Variants in TANGO6 observed in about 807,000 individuals in gnomAD.
TANGO6 encodes the protein transport and Golgi organization protein 6 homolog.
TANGO6 carries 90 observed loss-of-function variants against 114.2 expected under a neutral mutation model. The ratio of observed to expected loss-of-function variants is 0.79; its 90% CI spans 0.66 to 0.94. The LOEUF is 0.94. TANGO6 is among the 40% of genes least tolerant of loss of function. The probability of loss-of-function intolerance (pLI) is 0.00; values close to 1 mark genes in which losing one functional copy is unlikely to be tolerated. For synonymous variants in TANGO6, 477 were observed against 509.8 expected (o/e 0.94, Z 0.87); for missense variants, 1,274 against 1,315.3 (o/e 0.97, Z 0.49).
intron 5 of TANGO6, among the ~76,000 whole-genome samples, chr16:68,875,764 C>G (rs1217361144): frequency 1.4e-5 from 2 of 144,960 alleles, no homozygotes; most frequent in Admixed American, 1.4e-4. Flanking sequence ...AGTGAAACTC[C>G]GTCTCAAAAA....
chr16:68,877,561 T>C (rs1376845972), intron 5 of TANGO6, among the ~76,000 whole-genome samples: 1 of 151,928 alleles, frequency 6.6e-6, no homozygotes, highest in Admixed American at 6.6e-5. Context: ...TTTTATAAAT[T>C]TGATAAAATT....
Position 68,915,002 on chromosome 16 carries a change from T to C in TANGO6, c.1993-4083T>C, listed in dbSNP as rs539175914. Among the ~76,000 whole-genome samples the C allele has an allele frequency of 3.4e-3, 440 of 128,130 alleles. 1 individual carries two copies. Among genetic ancestry groups the C allele is most frequent in the African/African-American group, 0.014 (414 of 30,274 alleles). 84.1% of individuals were successfully genotyped at this position (128,130 alleles called of 152,430 possible). A position where few individuals can be genotyped will look rare whatever the true frequency, so the allele number is the denominator to read the frequency against. ...ACACACACACACACACACACACACATATAGATAGTGGAGGATGGGCGCAGT... is the reference window on the plus strand; with the variant it reads ...ACACACACACACACACACACACACACATAGATAGTGGAGGATGGGCGCAGT... On this transcript the variant is annotated intron_variant, in intron 11 of 17. Transcript: ENST00000261778.
intron 17 of TANGO6, among the ~76,000 whole-genome samples, chr16:69,078,679 G>C (rs1250193897): frequency 6.6e-6 from 1 of 152,032 alleles, no homozygotes; most frequent in Non-Finnish European, 1.5e-5. Flanking sequence ...ATTGTTAAAT[G>C]GCCTTACAAA....
intron 1 of TANGO6, among the ~76,000 whole-genome samples, chr16:68,858,721 G>A (rs931671801): frequency 6.6e-6 from 1 of 151,898 alleles, no homozygotes; most frequent in Non-Finnish European, 1.5e-5. Flanking sequence ...GGGCTCAAGC[G>A]ATCCTCCTGC....
chr16:68,970,908 A>G (rs896805923), intron 14 of TANGO6, among the ~76,000 whole-genome samples: 1 of 152,154 alleles, frequency 6.6e-6, no homozygotes, highest in African/African-American at 2.4e-5. Flanking sequence ...CTGTAATCCC[A>G]GCACTTTGGG....
chr16:69,070,510 G>A (rs932991611), intron 17 of TANGO6, among the ~76,000 whole-genome samples: 2 of 151,382 alleles, frequency 1.3e-5, no homozygotes, highest in African/African-American at 2.4e-5. Flanking sequence ...GTGCTTGTCT[G>A]TAATCCCAGC....
At chr16:69,051,829 G>C (rs1959952826) in intron 17 of TANGO6, among the ~76,000 whole-genome samples, 1 of 152,056 alleles carries the variant, frequency 6.6e-6, no homozygotes. Context: ...CTGGGCAACA[G>C]AGCGAGACTG....
At chr16:69,039,539 G>A (rs759846147) in intron 16 of TANGO6, among the ~76,000 whole-genome samples, 1 of 150,950 alleles carries the variant, frequency 6.6e-6, no homozygotes, top group Non-Finnish European at 1.5e-5. Context: ...GGGAGGCTGA[G>A]GTGGGAGGGT....
intron 15 of TANGO6, among the ~76,000 whole-genome samples, chr16:68,975,643 A>T (rs540170945): frequency 3.3e-5 from 5 of 151,448 alleles, no homozygotes; most frequent in African/African-American, 1.2e-4. Context: ...CTGCAGCCTG[A>T]ACCTCCTGGA....
At chr16:69,080,855 T>G (rs1960453362) in intron 17 of TANGO6, among the ~76,000 whole-genome samples, 1 of 152,110 alleles carries the variant, frequency 6.6e-6, no homozygotes, top group African/African-American at 2.4e-5. Flanking sequence ...AACCTTCCTC[T>G]AGGCCGGGCG....
intron 7 of TANGO6, among the ~76,000 whole-genome samples, chr16:68,889,959 C>T (rs1962588739): frequency 6.6e-6 from 1 of 152,176 alleles, no homozygotes; most frequent in African/African-American, 2.4e-5. Flanking sequence ...AAAATACTTG[C>T]TATATTAGGT....
At chr16:68,886,601 T>C (rs148194168) in intron 7 of TANGO6, among the ~76,000 whole-genome samples, 3 of 151,998 alleles carry the variant, frequency 2.0e-5, no homozygotes, top group Non-Finnish European at 4.4e-5. Context: ...CCCCGCCTCT[T>C]GGGTTCAAGC....
intron 11 of TANGO6, among the ~76,000 whole-genome samples, chr16:68,914,035 C>T (rs958250141): frequency 6.6e-6 from 1 of 152,156 alleles, no homozygotes; most frequent in African/African-American, 2.4e-5. Flanking sequence ...GAGGCCTCCA[C>T]CCCTTCCACT....
At chr16:68,948,593 T>TCTA (rs1963439878) in intron 14 of TANGO6, among the ~76,000 whole-genome samples, 1 of 152,234 alleles carries the variant, frequency 6.6e-6, no homozygotes, top group African/African-American at 2.4e-5. Flanking sequence ...TGGTCTTAAG[T>TCTA]ATAGGAGAAC....
At chr16:68,879,126 A>G (rs1962417232) in intron 6 of TANGO6, among the ~76,000 whole-genome samples, 1 of 151,950 alleles carries the variant, frequency 6.6e-6, no homozygotes, top group Non-Finnish European at 1.5e-5. Flanking sequence ...AAATAGAAAG[A>G]CTTATTATAA....
chr16:68,865,443 G>T (rs1962161288), intron 3 of TANGO6, among the ~76,000 whole-genome samples: 1 of 152,084 alleles, frequency 6.6e-6, no homozygotes, highest in Non-Finnish European at 1.5e-5. Context: ...TCAAAAGATA[G>T]AAGAGGAACT....
chr16:69,025,385 G>C (rs1959483801), intron 16 of TANGO6, among the ~76,000 whole-genome samples: 1 of 152,218 alleles, frequency 6.6e-6, no homozygotes, highest in Non-Finnish European at 1.5e-5. Context: ...TCTCTTCCCT[G>C]AAGTCAACCC....
intron 14 of TANGO6, among the ~76,000 whole-genome samples, chr16:68,961,693 G>C (rs1298563687): frequency 6.6e-6 from 1 of 152,106 alleles, no homozygotes; most frequent in Non-Finnish European, 1.5e-5. Context: ...AAATATATTG[G>C]CATCATCTTA....
At chr16:69,036,857 G>A (rs1033366681) in intron 16 of TANGO6, among the ~76,000 whole-genome samples, 4 of 152,076 alleles carry the variant, frequency 2.6e-5, no homozygotes, top group South Asian at 2.1e-4. Context: ...CAGCTACTCC[G>A]GAGGCCGAGG....
Sources: gnomAD v4.1 joint callset for allele counts (sites outside exome capture counted in the v4.1 genomes callset) on GRCh38, gnomAD v4.1.1 for gene constraint, MANE v1.5 for transcripts, NCBI Gene and HGNC (gene_info 2026-07-23, HGNC 2026-07-21) for gene names.